Variants in DIAPH2 observed in about 807,000 individuals in gnomAD.
DIAPH2 encodes protein diaphanous homolog 2.
DIAPH2 carries 35 observed loss-of-function variants against 92.7 expected under a neutral mutation model. That is an observed-to-expected ratio of 0.38 (90% CI 0.29 to 0.50). The LOEUF (loss-of-function observed/expected upper bound fraction) is 0.50, where lower values mean the gene tolerates loss of function less well. DIAPH2 is among the 20% of genes least tolerant of loss of function. The pLI, the probability that DIAPH2 is intolerant of heterozygous loss-of-function variation, is 0.94. For synonymous variants in DIAPH2, 301 were observed against 280.4 expected (o/e 1.07, Z -0.73); for missense variants, 701 against 819.5 (o/e 0.86, Z 1.77).
intron 5 of DIAPH2, among the ~76,000 whole-genome samples, chrX:96,899,159 G>A (rs1172416924): frequency 6.0e-4 from 66 of 109,305 alleles, no homozygotes; most frequent in Non-Finnish European, 9.0e-4. Flanking sequence ...GTCAGGTAGC[G>A]TGATGCCTCC....
intron 17 of DIAPH2, among the ~76,000 whole-genome samples, chrX:97,013,382 C>T (rs1028538364): frequency 3.6e-5 from 4 of 111,985 alleles, no homozygotes; most frequent in Admixed American, 9.5e-5. Flanking sequence ...TTCTCCATGA[C>T]TATTTTCTGC....
chrX:97,293,445 G>A (rs1248511754), intron 23 of DIAPH2, among the ~76,000 whole-genome samples: 1 of 109,274 alleles, frequency 9.2e-6, no homozygotes, highest in African/African-American at 3.3e-5. Flanking sequence ...TGGAGACGGG[G>A]TTTCACCATG....
chrX:97,235,341 C>T (rs930242072), intron 22 of DIAPH2, among the ~76,000 whole-genome samples: 2 of 111,769 alleles, frequency 1.8e-5, no homozygotes, highest in Non-Finnish European at 3.8e-5. Flanking sequence ...CACAGTGGCT[C>T]ATGCCTGTAA....
At chrX:96,803,958 G>A (rs968933388) in intron 4 of DIAPH2, among the ~76,000 whole-genome samples, 1 of 111,632 alleles carries the variant, frequency 9.0e-6, no homozygotes, top group Non-Finnish European at 1.9e-5. Flanking sequence ...AGAATCGCTT[G>A]AACCCTGCAG....
intron 1 of DIAPH2, among the ~76,000 whole-genome samples, chrX:96,686,516 A>G (rs1264884108): frequency 9.0e-6 from 1 of 111,728 alleles, no homozygotes; most frequent in Non-Finnish European, 1.9e-5. Context: ...CTAGATAGTT[A>G]TGAGATCGTA....
At chrX:96,689,480 C>T (rs1336499271) in intron 1 of DIAPH2, among the ~76,000 whole-genome samples, 1 of 108,873 alleles carries the variant, frequency 9.2e-6, no homozygotes, top group Non-Finnish European at 1.9e-5. Context: ...ACCTGGATTC[C>T]AGTTGCAGCT....
At chrX:97,354,406 T>A (rs891058271) in intron 24 of DIAPH2, among the ~76,000 whole-genome samples, 6 of 111,969 alleles carry the variant, frequency 5.4e-5, no homozygotes, top group African/African-American at 1.9e-4. Context: ...GGAGTCTTGC[T>A]CTGTCGCCCA....
At chrX:96,861,585 C>G (rs2065072760) in intron 4 of DIAPH2, among the ~76,000 whole-genome samples, 1 of 111,928 alleles carries the variant, frequency 8.9e-6, no homozygotes, top group Admixed American at 9.5e-5. Flanking sequence ...ATCCTTACCC[C>G]CTTTCTTCTA....
At chrX:96,998,341 A>G (rs1230641561) in intron 17 of DIAPH2, among the ~76,000 whole-genome samples, 1 of 111,471 alleles carries the variant, frequency 9.0e-6, no homozygotes, top group African/African-American at 3.3e-5. Context: ...TAGTTTACTG[A>G]GCAGATTTTT....
At chrX:97,312,083 C>T (rs926102605) in intron 23 of DIAPH2, among the ~76,000 whole-genome samples, 1 of 111,043 alleles carries the variant, frequency 9.0e-6, no homozygotes, top group Admixed American at 9.7e-5. Flanking sequence ...CCACCTCAGC[C>T]TCCCAAGGTG....
chrX:97,242,603 C>T (rs968024726), intron 22 of DIAPH2, among the ~76,000 whole-genome samples: 4 of 108,550 alleles, frequency 3.7e-5, no homozygotes, highest in African/African-American at 1.3e-4. Context: ...TGACCTCAAA[C>T]GATCCACCCG....
At chrX:97,082,058 C>A (rs1311522884) in intron 19 of DIAPH2, 3 of 102,317 alleles carry the variant, frequency 2.9e-5, no homozygotes, top group Non-Finnish European at 6.0e-5. Context: ...TTGCAGTGAG[C>A]CGAGATCGCG....
At chrX:96,870,458 A>G (rs1347365137) in intron 4 of DIAPH2, among the ~76,000 whole-genome samples, 3 of 95,361 alleles carry the variant, frequency 3.1e-5, no homozygotes, top group Non-Finnish European at 2.1e-5. Flanking sequence ...TTTTTTTTTA[A>G]GTAGAGATGG....
rs2065475445 is a variant in DIAPH2, at chrX:96,912,620, A to G, written c.732+68A>G. ...CTTGCCCAACACTATGAAAGTATGA[A>G]ATGAACAAAATATTTTTTTATTATT... On this transcript the variant is annotated intron_variant, in intron 7 of 26. Coordinates refer to ENST00000324765, the MANE Select transcript of DIAPH2 (RefSeq NM_006729.5). 5 of 1,037,523 alleles carry G rather than the reference A, an allele frequency of 4.8e-6. No homozygotes were observed. The East Asian group carries it at 1.7e-4, about 35-fold the overall frequency. 85.5% of individuals were successfully genotyped at this position (1,037,523 alleles called of 1,213,427 possible).
intron 25 of DIAPH2, among the ~76,000 whole-genome samples, chrX:97,390,854 GT>G (rs2069652347): frequency 8.9e-6 from 1 of 112,050 alleles, no homozygotes; most frequent in South Asian, 3.7e-4. Context: ...ATCCAAATAA[GT>G]TTTTATGCAT....
chrX:97,265,869 C>T (rs1231000785), intron 23 of DIAPH2, among the ~76,000 whole-genome samples: 1 of 111,759 alleles, frequency 8.9e-6, no homozygotes, highest in Non-Finnish European at 1.9e-5. Flanking sequence ...TTTAACTAGA[C>T]AGTTCTCTAA....
chrX:97,536,163 A>G (rs1316902411), intron 26 of DIAPH2, among the ~76,000 whole-genome samples: 1 of 112,371 alleles, frequency 8.9e-6, no homozygotes, highest in East Asian at 2.8e-4. Flanking sequence ...ATAATTTTAA[A>G]AGCTTATCAG....
At chrX:97,005,131 T>C (rs1320634646) in intron 17 of DIAPH2, among the ~76,000 whole-genome samples, 4 of 111,972 alleles carry the variant, frequency 3.6e-5, no homozygotes, top group African/African-American at 1.3e-4. Context: ...CATCCTTGCA[T>C]CCCCAGGATG....
At chrX:97,502,704 T>A (rs900414637) in intron 26 of DIAPH2, among the ~76,000 whole-genome samples, 8 of 112,762 alleles carry the variant, frequency 7.1e-5, no homozygotes, top group African/African-American at 2.6e-4. Context: ...TAGACTTACT[T>A]CTGGAATTTG....
Sources: gnomAD v4.1 joint callset for allele counts (sites outside exome capture counted in the v4.1 genomes callset) on GRCh38, gnomAD v4.1.1 for gene constraint, MANE v1.5 for transcripts, NCBI Gene and HGNC (gene_info 2026-07-23, HGNC 2026-07-21) for gene names.